MYLK3: variants seen among roughly 807,000 people sequenced by gnomAD.
MYLK3 encodes MLC kinase.
In MYLK3, 55 loss-of-function variants were observed where a neutral mutation model predicts 76.3. The ratio of observed to expected loss-of-function variants is 0.72; its 90% confidence interval spans 0.58 to 0.90. MYLK3 has a LOEUF of 0.90. Ranked by LOEUF, MYLK3 falls within the 40% of genes least tolerant of loss-of-function variation. The pLI is 0.00. For synonymous variants in MYLK3, 416 were observed against 425.4 expected (o/e 0.98, Z 0.27); for missense variants, 973 against 1,053.6 (o/e 0.92, Z 1.06).
chr16:46,762,350 AGTTT>A (rs1021710127), intron 1 of MYLK3, among the ~76,000 whole-genome samples: 37 of 152,322 alleles, frequency 2.4e-4, no homozygotes, highest in African/African-American at 7.9e-4. Context: ...TTAAGTGTGT[AGTTT>A]ATTACTCAAC....
rs765503279 is a variant in MYLK3 at position 46,748,024 on chromosome 16, AT to A, written c.169del (p.Met57TrpfsTer41). The part of the protein sequence containing the change: ...TEKLQSMCRD[M>X]GHLERGLHRL... ...GTGCAGGCCCCGCTCCAGGTGGCCC[AT>A]GTCTCGGCACATGCTCTGCAACTTC... On this transcript the variant is annotated frameshift_variant, in exon 1 of 13. Transcript: ENST00000394809. LOFTEE classifies it high-confidence loss of function. This position sits in a 1 kb window ranked among gnomAD's most constrained non-coding sequence, Gnocchi z 4.3. 2 of 1,613,986 alleles carry A rather than the reference AT, an allele frequency of 1.2e-6. No homozygotes were observed. Among genetic ancestry groups the A allele is most frequent in the South Asian group, 2.2e-5 (2 of 91,084 alleles).
rs1450685062 is a variant in MYLK3 at position 46,710,690 on chromosome 16, C to T, written c.2214G>A (p.Gly738=). The stretch of plus-strand genomic sequence containing the variant: ...CAAAGTCCTTGGCCTCCTCCGAGAG[C>T]CCTTCAAAGGTGTCAGCATCAAAAT... The part of the protein sequence containing the change: ...SWDFDADTFE[G]LSEEAKDFVS... The change falls in exon 11 of 13, where the codon GGG becomes GGA. Residue 738 remains glycine (G), a synonymous_variant. Coordinates refer to ENST00000394809, the MANE Select transcript of MYLK3 (RefSeq NM_182493.3). The T allele has an allele frequency of 1.9e-6, 3 of 1,614,166 alleles. No homozygotes were observed. The highest frequency in any genetic ancestry group is 3.3e-5 in the Admixed American group (2 of 60,020).
At chr16:46,736,691 G>T (rs1310951993) in intron 3 of MYLK3, among the ~76,000 whole-genome samples, 1 of 152,102 alleles carries the variant, frequency 6.6e-6, no homozygotes, top group Non-Finnish European at 1.5e-5. Context: ...GGGCTTCTCT[G>T]CCTGTCACCA....
chr16:46,759,010 A>T (rs1467120194), intron 1 of MYLK3, among the ~76,000 whole-genome samples: 1 of 152,244 alleles, frequency 6.6e-6, no homozygotes, highest in East Asian at 1.9e-4. Flanking sequence ...CCCTGCCAGG[A>T]TGAATCAAGG....
chr16:46,750,925 G>A (rs1452587125), upstream of MYLK3, among the ~76,000 whole-genome samples: 1 of 152,002 alleles, frequency 6.6e-6, no homozygotes, highest in Non-Finnish European at 1.5e-5. Flanking sequence ...CCCAGGAGAC[G>A]GAGATTGCAG....
intron 9 of MYLK3, 62 bp from the exon 10 acceptor site, chr16:46,712,838 G>T: frequency 1.4e-6 from 2 of 1,442,684 alleles, no homozygotes; most frequent in Non-Finnish European, 1.8e-6. Flanking sequence ...TGGTGCTGGG[G>T]CTCATTTCTG....
chr16:46,760,883 G>A (rs1035301743), intron 1 of MYLK3, among the ~76,000 whole-genome samples: 7 of 152,252 alleles, frequency 4.6e-5, no homozygotes, highest in Middle Eastern at 3.4e-3. Context: ...TCAGGCAGCC[G>A]CAGGATGTGA....
At chr16:46,709,800 AC>A in intron 11 of MYLK3, 129 bp from the exon 12 acceptor site, 1 of 1,098,900 alleles carries the variant, frequency 9.1e-7, no homozygotes, top group South Asian at 1.6e-5. Context: ...CATGCCATGT[AC>A]CAAAAAGGGA....
intron 1 of MYLK3, among the ~76,000 whole-genome samples, chr16:46,746,640 G>C (rs1306016191): frequency 6.6e-6 from 1 of 152,092 alleles, no homozygotes; most frequent in African/African-American, 2.4e-5. Flanking sequence ...GCCTAGGCTG[G>C]TCTCAAACTC....
chr16:46,716,376 T>C (rs1350730935), intron 9 of MYLK3, among the ~76,000 whole-genome samples: 1 of 151,728 alleles, frequency 6.6e-6, no homozygotes, highest in Admixed American at 6.6e-5. Flanking sequence ...TATATATGTA[T>C]ATGTATATAT....
intron 6 of MYLK3, 38 bp from the exon 7 acceptor site, chr16:46,729,171 A>G (rs771836411): frequency 1.3e-6 from 2 of 1,542,084 alleles, no homozygotes; most frequent in East Asian, 2.2e-5. Flanking sequence ...TTCCAAGCGA[A>G]TGAGTCAAGA....
At chr16:46,742,747 G>C (rs1966954444) in intron 1 of MYLK3, among the ~76,000 whole-genome samples, 1 of 152,196 alleles carries the variant, frequency 6.6e-6, no homozygotes, top group Admixed American at 6.5e-5. Flanking sequence ...GCACCGGCGT[G>C]GGGGAGGCAC....
chr16:46,763,203 G>A, exon 1 of MYLK3: 1 of 985,456 alleles, frequency 1.0e-6, no homozygotes, highest in Non-Finnish European at 1.2e-6. Context: ...CAAGATCTGT[G>A]CAAGCTGCCC....
intron 8 of MYLK3, chr16:46,726,010 G>A (rs1404761778): frequency 6.6e-6 from 1 of 152,184 alleles, no homozygotes; most frequent in East Asian, 1.9e-4. Flanking sequence ...TTTGTATAAG[G>A]TGAGAGATGA....
At position 46,738,064 on chromosome 16, in the gene MYLK3, G is replaced by A. The variant is rs766088226; in HGVS notation, c.648C>T (p.Pro216=). 91 of 1,606,326 alleles carry A rather than the reference G, an allele frequency of 5.7e-5. No individual in the cohort carries two copies. In the Admixed American group the frequency reaches 1.0e-3, roughly 18 times the overall value. Residue 216 remains proline (P), a synonymous_variant, in exon 3 of 13, where the codon CCC becomes CCT. Transcript: ENST00000394809. ...GGCCCGGTGAGACCACTGCCTGGGC[G>A]GGGTCAGCTCCCAGCCCTGACGCTC... The part of the protein sequence containing the change: ...PIRASGLGAD[P]AQAVVSPGQG...
At chr16:46,726,705 GAAAGAA>G (rs1966842271) in intron 8 of MYLK3, 1 of 134,652 alleles carries the variant, frequency 7.4e-6, no homozygotes, top group Non-Finnish European at 1.6e-5. Flanking sequence ...AAGAAAGAAA[GAAAGAA>G]AGAAAGAAAG....
chr16:46,722,324 G>A (rs1009907882), intron 8 of MYLK3, among the ~76,000 whole-genome samples: 1 of 152,184 alleles, frequency 6.6e-6, no homozygotes, highest in Non-Finnish European at 1.5e-5. Flanking sequence ...GTCTCCATAC[G>A]TAAAACGGGA....
chr16:46,751,610 G>A (rs1340866480), upstream of MYLK3, among the ~76,000 whole-genome samples: 1 of 152,168 alleles, frequency 6.6e-6, no homozygotes, highest in Non-Finnish European at 1.5e-5. Context: ...GGAGGAATGA[G>A]CTAAGGAGGA....
chr16:46,752,765 CA>C (rs1052123767), upstream of MYLK3, among the ~76,000 whole-genome samples: 3 of 152,084 alleles, frequency 2.0e-5, no homozygotes, highest in African/African-American at 7.2e-5. Flanking sequence ...CCTGTCATCC[CA>C]GTTATCAGGA....
Sources: gnomAD v4.1 joint callset for allele counts (sites outside exome capture counted in the v4.1 genomes callset) on GRCh38, gnomAD v4.1.1 for gene constraint, Gnocchi (gnomAD v3.1) non-coding constraint, MANE v1.5 for transcripts, NCBI Gene and HGNC (gene_info 2026-07-23, HGNC 2026-07-21) for gene names.